The following DMD variants were observed in gnomAD, a reference collection of about 807,000 sequenced individuals.
The protein encoded by DMD is dystrophin, also known as mutant dystrophin.
A neutral mutation model predicts 330.1 loss-of-function variants in DMD; 63 were observed. The observed-to-expected ratio is 0.19, with a 90% CI of 0.16 to 0.24. The LOEUF (loss-of-function observed/expected upper bound fraction) is 0.24. Ranked by LOEUF, DMD falls within the 10% of genes least tolerant of loss-of-function variation. The pLI is 1.00. For missense variants in DMD, 3,344 were observed against 2,684.1 expected (o/e 1.25, Z -5.43); for synonymous variants, 1,223 against 959.8 (o/e 1.27, Z -5.07).
intron 48 of DMD, among the ~76,000 whole-genome samples, chrX:31,842,529 T>C (rs1432465578): frequency 9.0e-6 from 1 of 111,152 alleles, no homozygotes; most frequent in Non-Finnish European, 1.9e-5. Flanking sequence ...TCAACCAACA[T>C]AGCAAACCTC....
intron 43 of DMD, among the ~76,000 whole-genome samples, chrX:32,281,633 A>G (rs2097421109): frequency 9.0e-6 from 1 of 111,634 alleles, no homozygotes; most frequent in Non-Finnish European, 1.9e-5. Context: ...TCTAAACTCC[A>G]AAGTGCCTAA....
chrX:32,423,461 C>A (rs1167155419), intron 29 of DMD, among the ~76,000 whole-genome samples: 1 of 109,900 alleles, frequency 9.1e-6, no homozygotes. Context: ...TATATGTATA[C>A]ATATGTGCTT....
intron 50 of DMD, among the ~76,000 whole-genome samples, chrX:31,814,704 G>A (rs1052651774): frequency 9.0e-6 from 1 of 111,192 alleles, no homozygotes; most frequent in Non-Finnish European, 1.9e-5. Context: ...AGGCCCAGCA[G>A]CTTGTGGATA....
intron 4 of DMD, among the ~76,000 whole-genome samples, chrX:32,833,977 T>G (rs2079379597): frequency 1.8e-5 from 2 of 111,145 alleles, no homozygotes; most frequent in African/African-American, 3.3e-5. Flanking sequence ...ATGCTGCAAT[T>G]TAAGAGTAGT....
intron 7 of DMD, among the ~76,000 whole-genome samples, chrX:32,763,918 T>G (rs1003344994): frequency 9.0e-6 from 1 of 111,201 alleles, no homozygotes; most frequent in Non-Finnish European, 1.9e-5. Flanking sequence ...AGACCCCAAA[T>G]TAAAAACAGC....
At chrX:32,485,154 T>C in intron 20 of DMD, 55 bp from the exon 21 acceptor site, 2 of 1,140,257 alleles carry the variant, frequency 1.8e-6, no homozygotes, top group Non-Finnish European at 2.4e-6. Flanking sequence ...TACATTACAT[T>C]TTGCAAAAGA....
chrX:32,718,715 G>A (rs2065967655), intron 7 of DMD, among the ~76,000 whole-genome samples: 1 of 111,741 alleles, frequency 8.9e-6, no homozygotes, highest in African/African-American at 3.2e-5. Flanking sequence ...AATATTACCT[G>A]TTCACTGTTT....
At chrX:31,318,878 C>A (rs192393582) in intron 62 of DMD, among the ~76,000 whole-genome samples, 5 of 112,040 alleles carry the variant, frequency 4.5e-5, no homozygotes, top group Non-Finnish European at 9.4e-5. Flanking sequence ...ATTTAGCAAC[C>A]ACAGCGTCTT....
intron 62 of DMD, among the ~76,000 whole-genome samples, chrX:31,268,563 T>C (rs1226522995): frequency 9.0e-6 from 1 of 111,731 alleles, no homozygotes; most frequent in Non-Finnish European, 1.9e-5. Context: ...TAAGATTTGC[T>C]TTGGCTGAAG....
intron 63 of DMD, among the ~76,000 whole-genome samples, chrX:31,255,383 T>C (rs1603238473): frequency 9.0e-6 from 1 of 111,558 alleles, no homozygotes; most frequent in Non-Finnish European, 1.9e-5. Context: ...AAAATGCTAA[T>C]AGAAATCTAA....
At chrX:33,282,059 A>G (rs181531495) in intron 1 of DMD, among the ~76,000 whole-genome samples, 33 of 110,547 alleles carry the variant, frequency 3.0e-4, no homozygotes, top group African/African-American at 8.9e-4. Flanking sequence ...ATAGCGTCCA[A>G]CGGGCTTCCC....
At chrX:31,693,233 G>A (rs1483650322) in intron 52 of DMD, among the ~76,000 whole-genome samples, 2 of 111,611 alleles carry the variant, frequency 1.8e-5, no homozygotes, top group Admixed American at 9.5e-5. Context: ...ATCCTTTTAT[G>A]AGAAAAACTC....
chrX:32,887,218 G>T (rs368551085), intron 2 of DMD, among the ~76,000 whole-genome samples: 1 of 109,143 alleles, frequency 9.2e-6, no homozygotes, highest in Non-Finnish European at 1.9e-5. Flanking sequence ...GTGCTGACAG[G>T]AGCCTGTAGT....
Position 32,252,685 on chromosome X carries a change from A to AAT in DMD, c.6290+34842_6290+34843dup, listed in dbSNP as rs1370365039. The stretch of plus-strand genomic sequence containing the variant: ...ATAAATATATATATATAAATATATA[A>AAT]ATATATATATAAATATATATAAATA... On this transcript the variant is annotated intron_variant, in intron 43 of 78. Transcript: ENST00000357033. Among the ~76,000 whole-genome samples, 5 of 26,490 alleles carry AAT rather than the reference A, an allele frequency of 1.9e-4. 1 individual carries two copies. Among genetic ancestry groups the AAT allele is most frequent in the African/African-American group, 9.6e-4 (5 of 5,193 alleles). The allele number at this position is 26,490 out of a possible 115,157, so 23.0% of individuals were successfully genotyped here. A position where few individuals can be genotyped will look rare whatever the true frequency, so the allele number is the denominator to read the frequency against.
chrX:32,450,595 C>T (rs938408395), intron 26 of DMD, among the ~76,000 whole-genome samples: 13 of 110,239 alleles, frequency 1.2e-4, no homozygotes, highest in Admixed American at 1.2e-3. Context: ...CAAACCTTCT[C>T]GGATGTGTTT....
At chrX:31,308,787 T>C (rs985840864) in intron 62 of DMD, among the ~76,000 whole-genome samples, 2 of 110,840 alleles carry the variant, frequency 1.8e-5, no homozygotes, top group African/African-American at 6.6e-5. Flanking sequence ...TGAAGTGCAA[T>C]GGTGCGATCT....
chrX:31,617,837 T>C (rs1161199820), intron 55 of DMD, among the ~76,000 whole-genome samples: 1 of 111,825 alleles, frequency 8.9e-6, no homozygotes, highest in Non-Finnish European at 1.9e-5. Context: ...TGCCCATCAA[T>C]GGTAGATCAG....
chrX:31,182,947 A>C (rs2041323129), intron 67 of DMD, 43 bp from the exon 68 acceptor site: 1 of 1,102,165 alleles, frequency 9.1e-7, no homozygotes, highest in Non-Finnish European at 1.2e-6. Flanking sequence ...AAAAGGATGA[A>C]AGGAAAGAAG....
chrX:33,282,633 T>A, intron 1 of DMD, among the ~76,000 whole-genome samples: 1 of 112,053 alleles, frequency 8.9e-6, no homozygotes, highest in Non-Finnish European at 1.9e-5. Flanking sequence ...CACTTGTCTA[T>A]TTTTCAGCAG....
Sources: gnomAD v4.1 joint callset for allele counts (sites outside exome capture counted in the v4.1 genomes callset) on GRCh38, gnomAD v4.1.1 for gene constraint, MANE v1.5 for transcripts, NCBI Gene and HGNC (gene_info 2026-07-23, HGNC 2026-07-21) for gene names.